Variants in DNAH2 observed in about 807,000 individuals in gnomAD.
DNAH2 encodes axonemal beta dynein heavy chain 2.
In DNAH2, 323 loss-of-function variants were observed where a neutral mutation model predicts 523.5. That is an observed-to-expected ratio of 0.62 (90% CI 0.56 to 0.68). DNAH2 has a LOEUF of 0.68. DNAH2 is among the 30% of genes least tolerant of loss of function. DNAH2 has a pLI of 0.00. For synonymous variants in DNAH2, 2,093 were observed against 2,177.4 expected (o/e 0.96, Z 1.08); for missense variants, 4,907 against 5,701.5 (o/e 0.86, Z 4.49).
intron 58 of DNAH2, among the ~76,000 whole-genome samples, chr17:7,802,532 G>A (rs1417248186): frequency 1.3e-5 from 2 of 152,116 alleles, no homozygotes; most frequent in East Asian, 3.9e-4. Context: ...CATATACTTT[G>A]AATCCTCTCT....
In DNAH2 at chr17:7,760,150, T is replaced by C. The variant is rs573833803; in HGVS notation, c.2785+212T>C. ...TGGGAGGCTGAGGCAGGCAGGTCAT[T>C]TGAGGTCAGGAGTTCGAGACTAGCC... On this transcript the variant is annotated intron_variant, in intron 17 of 85. Transcript: ENST00000572933. This position sits in a 1 kb window ranked among gnomAD's most constrained non-coding sequence, Gnocchi z 4.0. Among the ~76,000 whole-genome samples, 1 of 152,174 alleles carries C rather than the reference T, an allele frequency of 6.6e-6. No individual in the cohort carries two copies. The highest frequency in any genetic ancestry group is 2.1e-4 in the South Asian group (1 of 4,826).
intron 31 of DNAH2, 32 bp downstream of exon 31, chr17:7,776,181 AG>A: frequency 6.2e-7 from 1 of 1,609,194 alleles, no homozygotes. Flanking sequence ...TGAGGGAACA[AG>A]GGGCTGGGCA....
chr17:7,830,820 T>G lies in DNAH2; in HGVS notation c.12208T>G (p.Ser4070Ala). The G allele has an allele frequency of 6.2e-7, 1 of 1,613,922 alleles. No homozygotes were observed. The highest frequency in any genetic ancestry group is 8.5e-7 in the Non-Finnish European group (1 of 1,180,008). Residue 4070 changes from serine (S) to alanine (A), a missense_variant, in exon 79 of 86, where the codon TCT becomes GCT. Around this residue, in one of 3 missense-constraint regions of DNAH2, gnomAD observed 1,851 missense variants for 2,139.4 expected, o/e 0.87. Coordinates refer to ENST00000572933, the MANE Select transcript of DNAH2 (RefSeq NM_020877.5). ...CATCAATGATTATTTCTGTGACCAG[T>G]CTCTATCAACTCCCTTCCACCGGTG... ...TYINDYFCDQ[S>A]LSTPFHRLSA... is the part of the protein sequence containing the mutation.
At chr17:7,771,493 T>C in intron 28 of DNAH2, 25 bp downstream of exon 28, 1 of 1,612,074 alleles carries the variant, frequency 6.2e-7, no homozygotes, top group Non-Finnish European at 8.5e-7. Context: ...GCTCCTGCCC[T>C]GACACAGCCT....
chr17:7,825,549 C>T (rs1197453445), intron 77 of DNAH2, among the ~76,000 whole-genome samples: 2 of 152,216 alleles, frequency 1.3e-5, no homozygotes, highest in Admixed American at 6.5e-5. Context: ...TTTGACATAT[C>T]ATTTATTACT....
At chr17:7,810,793 A>G (rs551282313) in intron 63 of DNAH2, among the ~76,000 whole-genome samples, 1 of 152,338 alleles carries the variant, frequency 6.6e-6, no homozygotes, top group East Asian at 1.9e-4. Context: ...TCAGCATTTT[A>G]AAAGCTTTCC....
intron 4 of DNAH2, among the ~76,000 whole-genome samples, chr17:7,727,779 G>A (rs1406525271): frequency 5.4e-3 from 627 of 115,924 alleles, no homozygotes; most frequent in African/African-American, 0.017. Context: ...AAAAAAAAAA[G>A]AATGTTGTCC....
chr17:7,749,088 C>T (rs58679043), intron 12 of DNAH2, among the ~76,000 whole-genome samples: 5 of 151,014 alleles, frequency 3.3e-5, no homozygotes, highest in Non-Finnish European at 5.9e-5. Context: ...GTGGGTGGAT[C>T]ACCTGAGGTC....
At chr17:7,776,461 G>A (rs923414649) in intron 31 of DNAH2, among the ~76,000 whole-genome samples, 27 of 151,998 alleles carry the variant, frequency 1.8e-4, no homozygotes, top group African/African-American at 6.5e-4. Flanking sequence ...GCAAGACTCT[G>A]TCTAAAAAAA....
chr17:7,740,052 T>A (rs2075263421), intron 9 of DNAH2, 114 bp downstream of exon 9: 2 of 463,678 alleles, frequency 4.3e-6, no homozygotes, highest in Admixed American at 4.5e-5. Flanking sequence ...CAGATCGGGA[T>A]CAGGGCGGTG....
chr17:7,780,691 A>G lies in DNAH2; in HGVS notation c.5912A>G (p.Asp1971Gly). The G allele has an allele frequency of 1.2e-6, 2 of 1,614,240 alleles. No individual in the cohort carries two copies. The highest frequency in any genetic ancestry group is 1.7e-6 in the Non-Finnish European group (2 of 1,180,040). Residue 1971 changes from aspartate (D) to glycine (G), a missense_variant, in exon 38 of 86, where the codon GAC becomes GGC. Transcript: ENST00000572933. This position sits in a 1 kb window ranked among gnomAD's most constrained non-coding sequence, Gnocchi z 4.4. ...SLAVQQLSRQDHYDFGLRALT... is the reference protein window; with the variant it reads ...SLAVQQLSRQGHYDFGLRALT... ...GCTGTGCAGCAGCTGTCCAGACAGG[A>G]CCACTATGACTTTGGCCTGCGTGCC...
intron 12 of DNAH2, 112 bp from the exon 13 acceptor site, chr17:7,756,978 CA>C: frequency 6.7e-7 from 1 of 1,491,352 alleles, no homozygotes; most frequent in East Asian, 2.3e-5. Context: ...GCCTCTGCTT[CA>C]TTTCTCATCT....
intron 20 of DNAH2, 71 bp from the exon 21 acceptor site, chr17:7,765,320 C>T (rs557760408): frequency 1.5e-5 from 20 of 1,376,556 alleles, no homozygotes; most frequent in African/African-American, 4.5e-5. Flanking sequence ...CCTCCTGCTC[C>T]TGGTCATCCT....
chr17:7,758,012 A>G (rs776550964), intron 13 of DNAH2, among the ~76,000 whole-genome samples: 11 of 152,236 alleles, frequency 7.2e-5, no homozygotes, highest in Non-Finnish European at 1.0e-4. Flanking sequence ...GGACACACAC[A>G]TTCAGACGAT....
rs1354475489 is a variant in DNAH2, at chr17:7,727,206, T to C, written c.313T>C (p.Phe105Leu). ...GGAGCATGATGCCATTCTGGAACAC[T>C]TTGCCCAGGACCCTACAGAATCCAT... ...TQEHDAILEH[F>L]AQDPTESILT... The change falls in exon 4 of 86, where the codon TTT (phenylalanine) becomes CTT (leucine). Residue 105 changes from phenylalanine (F) to leucine (L), a missense_variant. Transcript: ENST00000572933. 1 of 1,608,888 alleles carries C rather than the reference T, an allele frequency of 6.2e-7. No individual in the cohort carries two copies. The highest frequency in any genetic ancestry group is 8.5e-7 in the Non-Finnish European group (1 of 1,178,068).
Position 7,757,106 on chromosome 17 carries a change from C to G in DNAH2, c.1920C>G (p.Leu640=). The change falls in exon 13 of 86, where the codon CTC becomes CTG. Residue 640 remains leucine, a synonymous_variant. Coordinates refer to ENST00000572933, the MANE Select transcript of DNAH2 (RefSeq NM_020877.5). ...DVNFDKSLLI[L]FAEIDYWERL... is the part of the protein sequence containing the mutation. ...TCTCTCAAAGGTCCCTTCTGATTCT[C>G]TTTGCGGAAATTGACTACTGGGAGC... 6.2e-7 allele frequency: 1 copy of G among 1,614,154 alleles called. No individual in the cohort carries two copies. Among genetic ancestry groups the G allele is most frequent in the Non-Finnish European group, 8.5e-7 (1 of 1,180,028 alleles).
In DNAH2 at chr17:7,793,023, G is replaced by A; in HGVS notation, c.7387G>A (p.Glu2463Lys). The change falls in exon 48 of 86, where the codon GAG becomes AAG. Residue 2463 changes from glutamate to lysine, a missense_variant. By Grantham distance (56) the Glu-to-Lys change is moderately conservative (BLOSUM62 1). This residue lies in a region of DNAH2 where 2,806 missense variants were observed against 3,190.8 expected (regional missense o/e 0.88). Coordinates refer to ENST00000572933, the MANE Select transcript of DNAH2 (RefSeq NM_020877.5). ...GCAGAGCATCATTGAGAGCAGGGTT[G>A]AGAAGCGAACCAAGGGTGTCTACGT... ...NVQSIIESRV[E>K]KRTKGVYVPF... 6.2e-7 allele frequency: 1 copy of A among 1,614,028 alleles called. No individual in the cohort carries two copies. The highest frequency in any genetic ancestry group is 2.2e-5 in the East Asian group (1 of 44,888).
intron 44 of DNAH2, among the ~76,000 whole-genome samples, chr17:7,790,149 A>G (rs551037820): frequency 6.6e-6 from 1 of 152,318 alleles, no homozygotes; most frequent in African/African-American, 2.4e-5. Flanking sequence ...CAGAAGAAAG[A>G]TATCTGTCAC....
chr17:7,719,304 T>C (rs959781723), intron 1 of DNAH2, among the ~76,000 whole-genome samples: 1 of 152,090 alleles, frequency 6.6e-6, no homozygotes, highest in Admixed American at 6.6e-5. Context: ...ATTTTTTGTA[T>C]TTTTAGTAGA....
Sources: allele counts gnomAD v4.1 joint callset (sites outside exome capture counted in the v4.1 genomes callset), GRCh38; gene constraint gnomAD v4.1.1; regional missense constraint gnomAD v4.1.1; non-coding constraint Gnocchi (gnomAD v3.1); transcripts MANE v1.5; gene names NCBI Gene and HGNC (gene_info 2026-07-23, HGNC 2026-07-21).